Variants in DCDC1 observed in about 807,000 individuals in gnomAD.
DCDC1 encodes doublecortin domain-containing protein 1.
DCDC1 carries 200 observed loss-of-function variants against 178.3 expected under a neutral mutation model. The ratio of observed to expected loss-of-function variants is 1.12; its 90% CI spans 1.00 to 1.26. The LOEUF (loss-of-function observed/expected upper bound fraction) is 1.26, where lower values mean the gene tolerates loss of function less well. Among genes scored for constraint, DCDC1 ranks in the 50% most tolerant of loss-of-function variants. The pLI is 0.00. For missense variants in DCDC1, 1,983 were observed against 1,749.2 expected (o/e 1.13, Z -2.38); for synonymous variants, 690 against 604.8 (o/e 1.14, Z -2.07).
intron 17 of DCDC1, among the ~76,000 whole-genome samples, chr11:31,079,184 G>C (rs1957035341): frequency 6.6e-6 from 1 of 152,138 alleles, no homozygotes; most frequent in Non-Finnish European, 1.5e-5. Flanking sequence ...TAGGAGAAAA[G>C]AGGAGCTGGA....
chr11:31,213,094 G>C (rs1476023483), intron 9 of DCDC1, among the ~76,000 whole-genome samples: 1 of 89,562 alleles, frequency 1.1e-5, no homozygotes, highest in Admixed American at 1.3e-4. Context: ...TCTATATAAA[G>C]CCCAGCCTCT....
In DCDC1 at chr11:31,146,020, G is replaced by A. The variant is rs550475454; in HGVS notation, c.1222-8236C>T. 2.0e-5 allele frequency among the ~76,000 whole-genome samples: 3 copies of A among 151,916 alleles called. No homozygotes were observed. The East Asian group carries it at 5.8e-4, about 29-fold the overall frequency. On this transcript the variant is annotated intron_variant, in intron 9 of 38. Coordinates refer to ENST00000684477, the MANE Select transcript of DCDC1 (RefSeq NM_001387274.1). ...CCTGAGCTCTCACCCACTGGATAAT[G>A]GGGGCAAAATAACTGAATGTCTAAA...
At chr11:30,916,735 C>A in intron 26 of DCDC1, 135 bp downstream of exon 26, 2 of 1,086,606 alleles carry the variant, frequency 1.8e-6, no homozygotes, top group Non-Finnish European at 2.4e-6. Context: ...TAATCAAAAA[C>A]ATAAGACAAA....
chr11:30,978,192 C>T (rs1020579734), intron 20 of DCDC1, among the ~76,000 whole-genome samples: 4 of 152,192 alleles, frequency 2.6e-5, no homozygotes, highest in Admixed American at 2.6e-4. Flanking sequence ...AGGTGACTTA[C>T]CTATTCTCAC....
intron 21 of DCDC1, among the ~76,000 whole-genome samples, chr11:30,934,701 C>G (rs987650532): frequency 6.6e-6 from 1 of 152,158 alleles, no homozygotes; most frequent in Non-Finnish European, 1.5e-5. Context: ...GCAATGCATT[C>G]CTTTAGGATC....
At chr11:30,978,181 T>C (rs144062051) in intron 20 of DCDC1, among the ~76,000 whole-genome samples, 13 of 152,358 alleles carry the variant, frequency 8.5e-5, no homozygotes, top group Non-Finnish European at 1.5e-4. Context: ...ACGCCAATTG[T>C]AGGTGACTTA....
rs755369617 is a variant in DCDC1, at chr11:30,892,800, C to T, written c.5082+18G>A. Reference sequence around the variant, plus strand: ...TCAAACTCAGGCCTATGAAACACTCCTTTCACACTAGATTTACCTCTGAAA... The same window carrying T: ...TCAAACTCAGGCCTATGAAACACTCTTTTCACACTAGATTTACCTCTGAAA... On this transcript the variant is annotated intron_variant, in intron 36 of 38. Transcript: ENST00000684477. The T allele has an allele frequency of 2.2e-5, 35 of 1,613,408 alleles. No individual in the cohort carries two copies. Among genetic ancestry groups the T allele is most frequent in the Non-Finnish European group, 2.6e-5 (31 of 1,179,662 alleles).
chr11:30,922,429 A>G (rs897792784), intron 24 of DCDC1, 74 bp downstream of exon 24: 4 of 1,406,592 alleles, frequency 2.8e-6, no homozygotes, highest in Non-Finnish European at 9.2e-7. Flanking sequence ...ACAAACTTTG[A>G]CTTTTTAAAA....
rs556259246 is a variant in DCDC1, at chr11:31,353,892, G to T, written c.-125+15805C>A. Reference sequence around the variant, plus strand: ...GAAATGTCTATGACTGAGGGTTATGGAAATAGATAATCAGTCTCTAAGAAG... The same window carrying T: ...GAAATGTCTATGACTGAGGGTTATGTAAATAGATAATCAGTCTCTAAGAAG... On this transcript the variant is annotated intron_variant, in intron 1 of 38. Coordinates refer to ENST00000684477, the MANE Select transcript of DCDC1 (RefSeq NM_001387274.1). 8.3e-4 allele frequency among the ~76,000 whole-genome samples: 126 copies of T among 152,280 alleles called. 1 individual carries two copies. Among genetic ancestry groups the T allele is most frequent in the Non-Finnish European group, 1.7e-3 (113 of 68,018 alleles).
At chr11:31,249,213 A>G (rs376322333) in intron 8 of DCDC1, among the ~76,000 whole-genome samples, 8 of 152,194 alleles carry the variant, frequency 5.3e-5, no homozygotes, top group African/African-American at 1.9e-4. Flanking sequence ...AAGAGGGCTT[A>G]TGTTTTAAAG....
chr11:30,931,852 C>CT lies in DCDC1; in HGVS notation c.2815dup (p.Arg939LysfsTer10), dbSNP rs1161301908. The CT allele has an allele frequency of 2.5e-6, 4 of 1,613,148 alleles. No individual in the cohort carries two copies. The East Asian group carries it at 6.7e-5, about 27-fold the overall frequency. On this transcript the variant is annotated frameshift_variant, in exon 22 of 39. Transcript: ENST00000684477. LOFTEE classifies it high-confidence loss of function. Reference sequence around the variant, plus strand: ...ATTCTTCTCTCCATTCTGCAAAACTCTGAGTCGCACAGGGGCATATGGCTC... The same window carrying CT: ...ATTCTTCTCTCCATTCTGCAAAACTCTTGAGTCGCACAGGGGCATATGGCTC...
At chr11:31,282,746 G>A (rs1348704017) in intron 7 of DCDC1, among the ~76,000 whole-genome samples, 2 of 151,832 alleles carry the variant, frequency 1.3e-5, no homozygotes, top group African/African-American at 2.4e-5. Context: ...TATAGTTTAG[G>A]TCTGCTGGAC....
chr11:31,009,438 T>TTGTGTG (rs139389381), intron 20 of DCDC1, among the ~76,000 whole-genome samples: 3,458 of 144,468 alleles, frequency 0.024, 56 homozygotes, highest in Middle Eastern at 0.029. Flanking sequence ...CACAGTTTCT[T>TTGTGTG]TGTGTGTGTG....
rs538219168 is a variant in DCDC1, at chr11:30,916,904, G to C, written c.3418C>G (p.Leu1140Val). The change falls in exon 26 of 39, where the codon CTC becomes GTC. Residue 1140 changes from leucine (L) to valine (V), a missense_variant. Physicochemically the swap from Leu to Val is conservative, Grantham distance 32 (BLOSUM62 1). Transcript: ENST00000684477. ...DSLPKKTEKGLFENVEPQKKH... is the reference protein window; with the variant it reads ...DSLPKKTEKGVFENVEPQKKH... ...TTCTGTGGTTCCACATTTTCAAAGAGCCCTTTTTCCGTTTTCTTTGGAAGA... is the reference window on the plus strand; with the variant it reads ...TTCTGTGGTTCCACATTTTCAAAGACCCCTTTTTCCGTTTTCTTTGGAAGA... The C allele has an allele frequency of 2.5e-6, 4 of 1,607,280 alleles. No individual in the cohort carries two copies. In the East Asian group the frequency reaches 8.9e-5, roughly 36 times the overall value.
intron 20 of DCDC1, among the ~76,000 whole-genome samples, chr11:31,013,555 G>A (rs1952297238): frequency 6.6e-6 from 1 of 152,090 alleles, no homozygotes; most frequent in Non-Finnish European, 1.5e-5. Flanking sequence ...CCATAAAAAA[G>A]GGCTTAGTGA....
intron 7 of DCDC1, among the ~76,000 whole-genome samples, chr11:31,268,630 G>A (rs994380081): frequency 4.6e-5 from 7 of 152,134 alleles, no homozygotes; most frequent in African/African-American, 1.7e-4. Flanking sequence ...ACTGCTGATG[G>A]GCACCTAGCT....
At chr11:31,251,498 AAC>A (rs1260513125) in intron 8 of DCDC1, among the ~76,000 whole-genome samples, 2 of 151,922 alleles carry the variant, frequency 1.3e-5, no homozygotes, top group Non-Finnish European at 2.9e-5. Context: ...GACTGTAACT[AAC>A]TATGCATAGA....
chr11:30,998,414 A>C (rs1455801879), intron 20 of DCDC1, among the ~76,000 whole-genome samples: 1 of 152,220 alleles, frequency 6.6e-6, no homozygotes, highest in Non-Finnish European at 1.5e-5. Context: ...CTGAGCAAAA[A>C]TAAATAATGA....
In DCDC1 at chr11:30,894,359, T is replaced by C. The variant is rs1944033436; in HGVS notation, c.4791A>G (p.Pro1597=). 2 of 1,613,752 alleles carry C rather than the reference T, an allele frequency of 1.2e-6. No homozygotes were observed. The highest frequency in any genetic ancestry group is 1.6e-4 in the Middle Eastern group (1 of 6,078). Residue 1597 remains proline, a synonymous_variant, in exon 35 of 39, where the codon CCA becomes CCG. Transcript: ENST00000684477. ...GGCTCTTGGTAGGAACCATGGTGGC[T>C]GGCTGACATGCCGCTACTCGCCGCC... The part of the protein sequence containing the change: ...LKGRRVAACQ[P]ATMVPTKSPV...
Sources: allele counts gnomAD v4.1 joint callset (sites outside exome capture counted in the v4.1 genomes callset), GRCh38; gene constraint gnomAD v4.1.1; transcripts MANE v1.5; gene names NCBI Gene and HGNC (gene_info 2026-07-23, HGNC 2026-07-21).